The following NUP35 variants were observed in gnomAD, a reference collection of about 807,000 sequenced individuals.
NUP35 encodes the protein nucleoporin 35, also known as nucleoporin NUP35.
A neutral mutation model predicts 41.5 loss-of-function variants in NUP35; 25 were observed. That is an observed-to-expected ratio of 0.60 (90% CI 0.44 to 0.84). The LOEUF (loss-of-function observed/expected upper bound fraction) is 0.84, where lower values mean the gene tolerates loss of function less well. Ranked by LOEUF, NUP35 falls within the 40% of genes least tolerant of loss-of-function variation. NUP35 has a pLI of 0.00. For synonymous variants in NUP35, 149 were observed against 130.7 expected (o/e 1.14, Z -0.96); for missense variants, 396 against 396.6 (o/e 1.00, Z 0.01).
intron 5 of NUP35, among the ~76,000 whole-genome samples, chr2:183,156,425 T>G (rs919790046): frequency 6.6e-6 from 1 of 152,184 alleles, no homozygotes; most frequent in Non-Finnish European, 1.5e-5. Context: ...TTGCAACCTT[T>G]CCTTCCCAGG....
At chr2:183,119,128 T>C (rs566891708) in intron 1 of NUP35, among the ~76,000 whole-genome samples, 1 of 152,312 alleles carries the variant, frequency 6.6e-6, no homozygotes, top group Admixed American at 6.5e-5. Flanking sequence ...TCACCAGTTT[T>C]AGGTGTTTCT....
intron 4 of NUP35, among the ~76,000 whole-genome samples, chr2:183,137,762 G>C (rs1181416974): frequency 6.6e-6 from 1 of 151,056 alleles, no homozygotes; most frequent in African/African-American, 2.4e-5. Context: ...CACTGCACGC[G>C]AGCCTGGGTG....
intron 4 of NUP35, among the ~76,000 whole-genome samples, chr2:183,150,560 A>C (rs186296873): frequency 1.3e-5 from 2 of 151,914 alleles, no homozygotes; most frequent in East Asian, 3.9e-4. Context: ...ATCCTTTTTC[A>C]TTTAACCCAC....
chr2:183,151,690 T>G, intron 5 of NUP35, 41 bp downstream of exon 5: 1 of 1,562,954 alleles, frequency 6.4e-7, no homozygotes, highest in South Asian at 1.2e-5. Context: ...AACCCCACCC[T>G]AACATTTTAT....
At chr2:183,155,552 A>G (rs748143612) in intron 5 of NUP35, among the ~76,000 whole-genome samples, 1 of 147,802 alleles carries the variant, frequency 6.8e-6, no homozygotes. Context: ...TTTTACATTT[A>G]CATTTTTATA....
intron 4 of NUP35, among the ~76,000 whole-genome samples, chr2:183,138,226 C>T (rs896711170): frequency 7.4e-6 from 1 of 134,876 alleles, no homozygotes; most frequent in Non-Finnish European, 1.5e-5. Context: ...AGGGGAAAAC[C>T]TAGATTTTTC....
intron 4 of NUP35, among the ~76,000 whole-genome samples, chr2:183,138,269 A>ATATATATATATATATATATT: frequency 2.5e-5 from 2 of 80,688 alleles, no homozygotes; most frequent in African/African-American, 1.2e-4. Context: ...ATATATATAT[A>ATATATATATATATATATATT]TTTTTTTTTT....
chr2:183,157,456 A>G lies in NUP35; in HGVS notation c.552A>G (p.Ala184=), dbSNP rs778853509. 4.3e-6 allele frequency: 7 copies of G among 1,612,210 alleles called. No homozygotes were observed. The highest frequency in any genetic ancestry group is 2.2e-5 in the East Asian group (1 of 44,836). ...SWVTVFGFPQ[A]SASYILLQFA... ...CTCTTTTTTTCAGGTTTCCTCAAGC[A>G]TCTGCTTCCTACATATTACTACAAT... The change falls in exon 6 of 9, where the codon GCA becomes GCG. Residue 184 remains alanine, a synonymous_variant. Transcript: ENST00000295119.
upstream of NUP35, chr2:183,124,331 A>C: frequency 6.4e-7 from 1 of 1,562,680 alleles, no homozygotes; most frequent in Non-Finnish European, 8.7e-7. Context: ...CCTACAACTT[A>C]AGCATAGCGC....
intron 1 of NUP35, among the ~76,000 whole-genome samples, chr2:183,127,869 T>G (rs998185403): frequency 2.6e-5 from 4 of 152,114 alleles, no homozygotes; most frequent in African/African-American, 4.8e-5. Context: ...GCTCAGGAGC[T>G]CCAGAGCAGT....
At chr2:183,137,860 A>G (rs2368373) in intron 4 of NUP35, among the ~76,000 whole-genome samples, 6,884 of 152,058 alleles carry the variant, frequency 0.045, 242 homozygotes, top group South Asian at 0.15. Flanking sequence ...TAGTTGACTG[A>G]AAAGCATACA....
intron 3 of NUP35, chr2:183,131,213 C>T (rs55657876): frequency 0.032 from 5,230 of 163,814 alleles, 102 homozygotes; most frequent in Non-Finnish European, 0.042. Context: ...TCTCAAAGCG[C>T]TAGATTATAA....
upstream of NUP35, among the ~76,000 whole-genome samples, chr2:183,121,626 G>A (rs527824349): frequency 3.3e-5 from 5 of 152,060 alleles, no homozygotes; most frequent in South Asian, 4.2e-4. Context: ...GAGGTCAGGA[G>A]ATCGAGACCA....
At chr2:183,130,387 C>A in intron 2 of NUP35, 31 bp from the exon 3 acceptor site, 1 of 1,271,288 alleles carries the variant, frequency 7.9e-7, no homozygotes, top group South Asian at 1.7e-5. Context: ...AGAAGAATCC[C>A]TTTTTTTTTT....
chr2:183,159,712 A>G (rs1284433185), intron 8 of NUP35, 60 bp downstream of exon 8: 12 of 1,325,890 alleles, frequency 9.1e-6, no homozygotes, highest in South Asian at 6.1e-5. Flanking sequence ...TAGCATGCTT[A>G]ACTTTTTCAT....
intron 4 of NUP35, among the ~76,000 whole-genome samples, chr2:183,138,778 A>G (rs948330417): frequency 8.8e-6 from 1 of 113,910 alleles, no homozygotes; most frequent in Non-Finnish European, 1.8e-5. Context: ...TCACTCGTTA[A>G]TTAACTAGAA....
intron 5 of NUP35, among the ~76,000 whole-genome samples, chr2:183,154,131 C>T (rs1438145925): frequency 1.3e-5 from 2 of 152,180 alleles, no homozygotes; most frequent in Non-Finnish European, 2.9e-5. Flanking sequence ...CTGCACACAG[C>T]ACAGGGACCC....
At chr2:183,126,229 G>A (rs1684475301) in intron 1 of NUP35, among the ~76,000 whole-genome samples, 1 of 152,108 alleles carries the variant, frequency 6.6e-6, no homozygotes, top group Non-Finnish European at 1.5e-5. Flanking sequence ...ACAAGGTTTC[G>A]CCATTTTGTC....
chr2:183,160,146 G>T lies in NUP35; in HGVS notation c.903+494G>T, dbSNP rs535681417. The T allele has an allele frequency of 1.4e-4, 22 of 156,380 alleles. No homozygotes were observed. In the South Asian group the frequency reaches 4.3e-3, roughly 31 times the overall value. 9.7% of individuals were successfully genotyped at this position (156,380 alleles called of 1,614,324 possible). On this transcript the variant is annotated intron_variant, in intron 8 of 8. Coordinates refer to ENST00000295119, the MANE Select transcript of NUP35 (RefSeq NM_138285.5). ...CTTTGAAGAATGGTAGAAGTATTATGATCTCATTCAGTATATTATTGTCTC... is the reference window on the plus strand; with the variant it reads ...CTTTGAAGAATGGTAGAAGTATTATTATCTCATTCAGTATATTATTGTCTC...
Sources: gnomAD v4.1 joint callset for allele counts (sites outside exome capture counted in the v4.1 genomes callset) on GRCh38, gnomAD v4.1.1 for gene constraint, MANE v1.5 for transcripts, NCBI Gene and HGNC (gene_info 2026-07-23, HGNC 2026-07-21) for gene names.